PCDHA1: variants seen among roughly 807,000 people sequenced by gnomAD.
The protein encoded by PCDHA1 is protocadherin alpha-1.
Under a neutral mutation model 61.3 loss-of-function variants are expected in PCDHA1, and 42 were observed. The observed-to-expected ratio is 0.69, with a 90% CI of 0.54 to 0.89. The LOEUF (loss-of-function observed/expected upper bound fraction) is 0.89. PCDHA1 is among the 40% of genes least tolerant of loss of function. The pLI, the probability that PCDHA1 is intolerant of heterozygous loss-of-function variation, is 0.00. For synonymous variants in PCDHA1, 610 were observed against 553.8 expected (o/e 1.10, Z -1.43); for missense variants, 1,256 against 1,235.3 (o/e 1.02, Z -0.25).
chr5:140,927,105 CAGCGG>C, intron 1 of PCDHA1: 1 of 1,613,778 alleles, frequency 6.2e-7, no homozygotes, highest in Non-Finnish European at 8.5e-7. Flanking sequence ...TGGATCTACC[CAGCGG>C]CAATTTGGTG....
rs143767190 is a variant in PCDHA1, at chr5:140,836,000, T to C, written c.2394+47316T>C. 1,476 of 1,613,102 alleles carry C rather than the reference T, an allele frequency of 9.2e-4. 25 individuals are homozygous for C. In the East Asian group the frequency reaches 0.013, roughly 14 times the overall value. On this transcript the variant is annotated intron_variant, in intron 1 of 3. Transcript: ENST00000504120. ...TGCAGTTCCAGGTGAGCGCGCGCGATGCGGGCGTGCCGCCTCTGGGCAGCA... is the reference window on the plus strand; with the variant it reads ...TGCAGTTCCAGGTGAGCGCGCGCGACGCGGGCGTGCCGCCTCTGGGCAGCA...
intron 1 of PCDHA1, chr5:140,801,695 G>A: frequency 2.5e-6 from 4 of 1,614,170 alleles, no homozygotes; most frequent in Non-Finnish European, 3.4e-6. Context: ...GAACAAATTC[G>A]TTGTTGACTT....
intron 1 of PCDHA1, among the ~76,000 whole-genome samples, chr5:140,872,514 T>G (rs1223185665): frequency 1.3e-5 from 2 of 152,108 alleles, no homozygotes; most frequent in East Asian, 3.9e-4. Context: ...GTAGTCCCAG[T>G]TTCTTGGGAG....
intron 1 of PCDHA1, chr5:140,862,681 G>T: frequency 1.8e-6 from 1 of 551,660 alleles, no homozygotes. Context: ...GAACGTGCTG[G>T]TGTCCTACTC....
chr5:140,914,130 A>G (rs552189632), intron 1 of PCDHA1, among the ~76,000 whole-genome samples: 2 of 152,146 alleles, frequency 1.3e-5, no homozygotes, highest in African/African-American at 4.8e-5. Flanking sequence ...TTCTTTGTTG[A>G]GTTTTTGTCT....
chr5:140,966,694 C>T, intron 1 of PCDHA1: 1 of 1,358,670 alleles, frequency 7.4e-7, no homozygotes, highest in Non-Finnish European at 9.5e-7. Context: ...GAGGCGGGGC[C>T]CGGGCGTGGG....
chr5:140,845,256 T>A (rs1349718505), intron 1 of PCDHA1, among the ~76,000 whole-genome samples: 1 of 149,608 alleles, frequency 6.7e-6, no homozygotes, highest in Admixed American at 6.7e-5. Flanking sequence ...GAATAATATG[T>A]GTTTTCCTTT....
chr5:140,967,173 T>C, intron 1 of PCDHA1: 1 of 1,611,178 alleles, frequency 6.2e-7, no homozygotes, highest in Non-Finnish European at 8.5e-7. Context: ...GCCGTTGAGG[T>C]GGAAATATTG....
intron 2 of PCDHA1, among the ~76,000 whole-genome samples, chr5:140,982,032 C>G (rs1554243678): frequency 1.3e-5 from 2 of 152,162 alleles, no homozygotes; most frequent in Non-Finnish European, 2.9e-5. Flanking sequence ...GAACAATACT[C>G]CAATTATCAG....
chr5:140,848,333 CAG>C, intron 1 of PCDHA1: 1 of 843,614 alleles, frequency 1.2e-6, no homozygotes, highest in African/African-American at 1.7e-5. Flanking sequence ...TCTCTGAATC[CAG>C]ACAAATACAG....
chr5:140,823,591 C>T (rs1767789904), intron 1 of PCDHA1: 3 of 1,613,886 alleles, frequency 1.9e-6, no homozygotes, highest in Admixed American at 1.7e-5. Flanking sequence ...CAACGCTTGG[C>T]TTTCGTATGA....
At chr5:140,857,736 C>T in intron 1 of PCDHA1, 2 of 1,597,364 alleles carry the variant, frequency 1.3e-6, no homozygotes, top group African/African-American at 1.3e-5. Flanking sequence ...AACGCTCCCG[C>T]GCTGCTGGCG....
intron 1 of PCDHA1, among the ~76,000 whole-genome samples, chr5:140,910,875 C>A (rs1224657424): frequency 4.6e-5 from 7 of 152,184 alleles, no homozygotes; most frequent in Non-Finnish European, 7.3e-5. Flanking sequence ...TTATCCCACA[C>A]CCTTAATATC....
chr5:140,798,221 T>C (rs1320174072), intron 1 of PCDHA1, among the ~76,000 whole-genome samples: 2 of 152,134 alleles, frequency 1.3e-5, no homozygotes, highest in South Asian at 2.1e-4. Flanking sequence ...AACACCAGAA[T>C]TTCCAAAAGT....
chr5:140,906,999 G>T lies in PCDHA1; in HGVS notation c.2395-71950G>T, dbSNP rs187849442. Among the ~76,000 whole-genome samples the T allele has an allele frequency of 8.0e-3, 1,219 of 152,202 alleles. 6 individuals are homozygous for T. The highest frequency in any genetic ancestry group is 0.019 in the African/African-American group (787 of 41,528). On this transcript the variant is annotated intron_variant, in intron 1 of 3. Coordinates refer to ENST00000504120, the MANE Select transcript of PCDHA1 (RefSeq NM_018900.4). Reference sequence around the variant, plus strand: ...TTCTGGTGGCAGCATTCCTCCCTCTGGAACTAAGACCTCTAGGCCAGCAGA... The same window carrying T: ...TTCTGGTGGCAGCATTCCTCCCTCTTGAACTAAGACCTCTAGGCCAGCAGA...
intron 1 of PCDHA1, chr5:140,815,429 A>C (rs1414322754): frequency 6.6e-6 from 1 of 152,162 alleles, no homozygotes; most frequent in Non-Finnish European, 1.5e-5. Context: ...TTAAACTGAT[A>C]GCATCTTTAC....
intron 3 of PCDHA1, among the ~76,000 whole-genome samples, chr5:141,005,816 G>A (rs1295998009): frequency 1.3e-5 from 2 of 151,804 alleles, no homozygotes; most frequent in African/African-American, 4.8e-5. Context: ...AGCCAGGTAT[G>A]GTGGCCTGTA....
At position 140,788,093 on chromosome 5, in the gene PCDHA1, G is replaced by A. The variant is rs555223653; in HGVS notation, c.1803G>A (p.Ser601=). 48 of 1,613,996 alleles carry A rather than the reference G, an allele frequency of 3.0e-5. No individual in the cohort carries two copies. The highest frequency in any genetic ancestry group is 2.5e-4 in the African/African-American group (19 of 75,064). ...VAKVRAVDAD[S]GYNAWLSYEL... is the part of the protein sequence containing the mutation. ...AGGTGCGCGCAGTGGACGCCGACTC[G>A]GGCTACAACGCGTGGCTGTCCTATG... The change falls in exon 1 of 4, where the codon TCG becomes TCA. Residue 601 remains serine (S), a synonymous_variant. Coordinates refer to ENST00000504120, the MANE Select transcript of PCDHA1 (RefSeq NM_018900.4).
chr5:140,802,916 C>A, intron 1 of PCDHA1: 1 of 1,613,734 alleles, frequency 6.2e-7, no homozygotes, highest in Non-Finnish European at 8.5e-7. Flanking sequence ...TGGGTGGCAT[C>A]GGTGGCGCAG....
Sources: allele counts gnomAD v4.1 joint callset (sites outside exome capture counted in the v4.1 genomes callset), GRCh38; gene constraint gnomAD v4.1.1; transcripts MANE v1.5; gene names NCBI Gene and HGNC (gene_info 2026-07-23, HGNC 2026-07-21).